Variants in RFX3 observed in about 807,000 individuals in gnomAD.
The protein encoded by RFX3 is transcription factor RFX3.
RFX3 carries 14 observed loss-of-function variants against 98.6 expected under a neutral mutation model. The observed-to-expected ratio is 0.14, with a 90% CI of 0.09 to 0.22. The LOEUF (loss-of-function observed/expected upper bound fraction) is 0.22. Ranked by LOEUF, RFX3 falls within the 10% of genes least tolerant of loss-of-function variation. The pLI, the probability that RFX3 is intolerant of heterozygous loss-of-function variation, is 1.00. For synonymous variants in RFX3, 383 were observed against 328.4 expected (o/e 1.17, Z -1.80); for missense variants, 639 against 926.9 (o/e 0.69, Z 4.03).
chr9:3,257,432 C>A (rs1478835321), intron 13 of RFX3, among the ~76,000 whole-genome samples: 1 of 152,118 alleles, frequency 6.6e-6, no homozygotes, highest in Non-Finnish European at 1.5e-5. Context: ...AGTGATGACA[C>A]ATGTAAGTAT....
chr9:3,378,997 C>A (rs1838880811), intron 2 of RFX3, among the ~76,000 whole-genome samples: 1 of 152,156 alleles, frequency 6.6e-6, no homozygotes, highest in South Asian at 2.1e-4. Flanking sequence ...ATATTCAACA[C>A]TAAACATGTA....
At chr9:3,289,704 G>A (rs1292704075) in intron 6 of RFX3, among the ~76,000 whole-genome samples, 3 of 152,006 alleles carry the variant, frequency 2.0e-5, no homozygotes, top group Admixed American at 2.0e-4. Flanking sequence ...TTATTTCATT[G>A]GGAATGGTTG....
At chr9:3,307,299 G>A (rs1829440197) in intron 4 of RFX3, among the ~76,000 whole-genome samples, 1 of 152,084 alleles carries the variant, frequency 6.6e-6, no homozygotes, top group Admixed American at 6.6e-5. Flanking sequence ...TATACAGACT[G>A]CAACTTTGTG....
At chr9:3,511,643 C>T (rs963728156) in intron 1 of RFX3, among the ~76,000 whole-genome samples, 1 of 151,972 alleles carries the variant, frequency 6.6e-6, no homozygotes, top group Non-Finnish European at 1.5e-5. Context: ...TACAAAATGA[C>T]TCAACTGTTT....
intron 15 of RFX3, among the ~76,000 whole-genome samples, chr9:3,235,693 G>A (rs1819053197): frequency 6.6e-6 from 1 of 152,102 alleles, no homozygotes; most frequent in Non-Finnish European, 1.5e-5. Flanking sequence ...CAAAGCCAGT[G>A]ATGTCAGGTT....
intron 11 of RFX3, among the ~76,000 whole-genome samples, chr9:3,268,382 T>G (rs1823936529): frequency 6.6e-6 from 1 of 151,776 alleles, no homozygotes; most frequent in Non-Finnish European, 1.5e-5. Context: ...CTGACAACTT[T>G]CAAAGCCTCA....
intron 2 of RFX3, among the ~76,000 whole-genome samples, chr9:3,351,417 A>T (rs1835107769): frequency 6.6e-6 from 1 of 151,890 alleles, no homozygotes. Flanking sequence ...AAATGATGAA[A>T]CCTCCCTAGA....
At chr9:3,239,922 T>G (rs535589) in intron 15 of RFX3, among the ~76,000 whole-genome samples, 144,786 of 152,222 alleles carry the variant, frequency 0.95, 69,259 homozygotes, top group East Asian at 1. Context: ...GCCCTGGCAG[T>G]TCTCTTCTCC....
intron 1 of RFX3, among the ~76,000 whole-genome samples, chr9:3,502,451 A>C (rs1180654838): frequency 6.6e-6 from 1 of 152,224 alleles, no homozygotes; most frequent in Non-Finnish European, 1.5e-5. Flanking sequence ...CCAAAAACTC[A>C]CTTATATATT....
intron 1 of RFX3, among the ~76,000 whole-genome samples, chr9:3,415,359 C>T (rs925049203): frequency 6.6e-6 from 1 of 151,498 alleles, no homozygotes; most frequent in African/African-American, 2.4e-5. Flanking sequence ...AGATTAGAGG[C>T]GTGAGCCACC....
chr9:3,462,519 C>T (rs560666745), intron 1 of RFX3, among the ~76,000 whole-genome samples: 8 of 152,078 alleles, frequency 5.3e-5, no homozygotes, highest in South Asian at 4.1e-4. Flanking sequence ...TTTTACTCAA[C>T]GCTGTAGGTC....
chr9:3,329,205 G>A (rs922811781), intron 4 of RFX3, among the ~76,000 whole-genome samples: 3 of 151,772 alleles, frequency 2.0e-5, no homozygotes, highest in African/African-American at 4.8e-5. Context: ...TCAGGAGTTC[G>A]AGACCAGCCT....
rs1305205667 is a variant in RFX3, at chr9:3,222,414, A to G, written c.*2628T>C. 1 of 152,200 alleles carries G rather than the reference A, an allele frequency of 6.6e-6. No individual in the cohort carries two copies. The highest frequency in any genetic ancestry group is 2.1e-4 in the South Asian group (1 of 4,828). 9.4% of individuals were successfully genotyped at this position (152,200 alleles called of 1,614,324 possible). A position where few individuals can be genotyped will look rare whatever the true frequency, so the allele number is the denominator to read the frequency against. On this transcript the variant is annotated 3_prime_UTR_variant, in exon 17 of 17. Transcript: ENST00000617270. ...AATGTTGAATCCTGGAGCATCCCCG[A>G]TCCCTAAGCCTCATCAATCTAAATT... is the stretch of plus-strand genomic sequence containing the variant.
At chr9:3,336,410 A>G (rs944452168) in intron 3 of RFX3, among the ~76,000 whole-genome samples, 1 of 152,160 alleles carries the variant, frequency 6.6e-6, no homozygotes, top group African/African-American at 2.4e-5. Flanking sequence ...AAAGCAAAAA[A>G]AAAATACAAT....
intron 1 of RFX3, among the ~76,000 whole-genome samples, chr9:3,525,144 C>T (rs996743408): frequency 1.3e-5 from 2 of 151,606 alleles, no homozygotes; most frequent in Non-Finnish European, 2.9e-5. Context: ...CAAAGAGGGG[C>T]AAAAATGAAG....
chr9:3,458,967 A>C (rs1847447803), intron 1 of RFX3, among the ~76,000 whole-genome samples: 1 of 152,168 alleles, frequency 6.6e-6, no homozygotes, highest in Admixed American at 6.5e-5. Flanking sequence ...TGCCGTAGAC[A>C]CTGAATTAAA....
chr9:3,256,985 T>C lies in RFX3; in HGVS notation c.1814+6A>G, dbSNP rs1457842055. On this transcript the variant is annotated splice_donor_region_variant and intron_variant, in intron 14 of 16. Transcript: ENST00000617270. The stretch of plus-strand genomic sequence containing the variant: ...GAAGAAAGCCTAGGAAAAACCTAGA[T>C]GATACCTGTAGAAAGACCATTTTAG... 10 of 1,613,426 alleles carry C rather than the reference T, an allele frequency of 6.2e-6. No individual in the cohort carries two copies. Among genetic ancestry groups the C allele is most frequent in the South Asian group, 1.1e-5 (1 of 91,068 alleles).
intron 2 of RFX3, among the ~76,000 whole-genome samples, chr9:3,362,955 T>C (rs192920493): frequency 7.6e-4 from 116 of 152,298 alleles, no homozygotes; most frequent in African/African-American, 2.6e-3. Context: ...AGGATAGATA[T>C]TACATAAAAT....
chr9:3,473,109 T>A (rs1848926370), intron 1 of RFX3, among the ~76,000 whole-genome samples: 1 of 152,122 alleles, frequency 6.6e-6, no homozygotes, highest in Non-Finnish European at 1.5e-5. Flanking sequence ...GACTTATATA[T>A]CCCTTAAGAA....
Sources: gnomAD v4.1 joint callset for allele counts (sites outside exome capture counted in the v4.1 genomes callset) on GRCh38, gnomAD v4.1.1 for gene constraint, MANE v1.5 for transcripts, NCBI Gene and HGNC (gene_info 2026-07-23, HGNC 2026-07-21) for gene names.